DZIP1: variants seen among roughly 807,000 people sequenced by gnomAD.
DZIP1 encodes the protein DAZ interacting zinc finger protein 1.
DZIP1 carries 97 observed loss-of-function variants against 107.6 expected under a neutral mutation model. The observed-to-expected ratio is 0.90, with a 90% CI of 0.77 to 1.07. DZIP1 has a LOEUF of 1.07. Ranked by LOEUF, DZIP1 falls within the 50% of genes least tolerant of loss-of-function variation. The pLI, the probability that DZIP1 is intolerant of heterozygous loss-of-function variation, is 0.00. For synonymous variants in DZIP1, 390 were observed against 386.4 expected (o/e 1.01, Z -0.11); for missense variants, 1,035 against 1,063.6 (o/e 0.97, Z 0.37).
At chr13:95,606,457 T>C (rs2044780862) in intron 13 of DZIP1, among the ~76,000 whole-genome samples, 2 of 152,246 alleles carry the variant, frequency 1.3e-5, no homozygotes, top group South Asian at 4.1e-4. Flanking sequence ...TGCCTATTCT[T>C]GACATTTCAT....
rs577675593 is a variant in DZIP1, at chr13:95,596,139, G to C, written c.1538-2053C>G. Among the ~76,000 whole-genome samples the C allele has an allele frequency of 6.6e-5, 10 of 152,290 alleles. No homozygotes were observed. The South Asian group carries it at 1.2e-3, about 19-fold the overall frequency. On this transcript the variant is annotated intron_variant, in intron 15 of 22. Coordinates refer to ENST00000376829, the MANE Select transcript of DZIP1 (RefSeq NM_198968.4). ...CAATGGAAGCAAGAGAAAGAATGTA[G>C]AGTAAGCAGGGAAAAATAAAGTTTT...
intron 22 of DZIP1, among the ~76,000 whole-genome samples, chr13:95,584,091 C>A (rs894378976): frequency 5.9e-5 from 9 of 151,928 alleles, no homozygotes; most frequent in Non-Finnish European, 1.0e-4. Context: ...ATTCTCCTGC[C>A]TTAGCCTCCC....
chr13:95,640,611 A>G (rs1356913223), intron 5 of DZIP1, among the ~76,000 whole-genome samples: 5 of 152,220 alleles, frequency 3.3e-5, no homozygotes, highest in Admixed American at 1.3e-4. Flanking sequence ...AAAAATTGCA[A>G]TATTTATCTT....
rs3051402 is a variant in DZIP1 at position 95,621,665 on chromosome 13, A to AGTGTGTGTGTGTGTGTGT, written c.1110+660_1110+677dup. 1.4e-4 allele frequency among the ~76,000 whole-genome samples: 17 copies of AGTGTGTGTGTGTGTGTGT among 123,418 alleles called. 1 individual carries two copies. Among genetic ancestry groups the AGTGTGTGTGTGTGTGTGT allele is most frequent in the African/African-American group, 5.0e-4 (17 of 33,742 alleles). 81.0% of individuals were successfully genotyped at this position (123,418 alleles called of 152,430 possible). ...ACAGATCATCAGCTGACCAGTTAGC[A>AGTGTGTGTGTGTGTGTGT]GTGTGTGTGTGTGTGTGTGTGTGTG... is the stretch of plus-strand genomic sequence containing the variant. On this transcript the variant is annotated intron_variant, in intron 9 of 22. Coordinates refer to ENST00000376829, the MANE Select transcript of DZIP1 (RefSeq NM_198968.4).
chr13:95,633,372 A>G (rs761981712), intron 5 of DZIP1, 51 bp from the exon 6 acceptor site: 3 of 1,499,688 alleles, frequency 2.0e-6, no homozygotes, highest in Non-Finnish European at 2.8e-6. Flanking sequence ...CTGTCGTCCC[A>G]CTTAATTGCA....
intron 11 of DZIP1, 124 bp downstream of exon 11, chr13:95,611,913 A>G: frequency 3.2e-6 from 4 of 1,255,216 alleles, no homozygotes; most frequent in Non-Finnish European, 4.3e-6. Flanking sequence ...AGCAATCACA[A>G]GGGGAAAAAT....
At chr13:95,598,013 C>T (rs1159567260) in intron 15 of DZIP1, among the ~76,000 whole-genome samples, 1 of 152,094 alleles carries the variant, frequency 6.6e-6, no homozygotes, top group African/African-American at 2.4e-5. Context: ...ATTTGTTTAG[C>T]AATGGAACAA....
intron 15 of DZIP1, among the ~76,000 whole-genome samples, chr13:95,596,566 T>C (rs1185664914): frequency 6.6e-6 from 1 of 152,168 alleles, no homozygotes; most frequent in Non-Finnish European, 1.5e-5. Flanking sequence ...CTTTCTCCAT[T>C]TGCTCTCTGC....
intron 14 of DZIP1, among the ~76,000 whole-genome samples, chr13:95,604,629 A>G (rs1444040789): frequency 6.6e-6 from 1 of 152,212 alleles, no homozygotes; most frequent in African/African-American, 2.4e-5. Flanking sequence ...AATCAACCCC[A>G]GACAGCTTTA....
intron 15 of DZIP1, among the ~76,000 whole-genome samples, chr13:95,598,343 A>G (rs1031080857): frequency 6.6e-6 from 1 of 152,202 alleles, no homozygotes; most frequent in African/African-American, 2.4e-5. Flanking sequence ...GATACATGGA[A>G]GCAAAATAAA....
chr13:95,600,233 G>C (rs1439787093), intron 14 of DZIP1, among the ~76,000 whole-genome samples: 1 of 152,170 alleles, frequency 6.6e-6, no homozygotes, highest in Non-Finnish European at 1.5e-5. Flanking sequence ...TGGTGGTCAG[G>C]CATTAGATAT....
In DZIP1 at chr13:95,624,753, A is replaced by AGGTTTAATACTTACAT. The variant is rs1168819547; in HGVS notation, c.971_972+14dup. Reference sequence around the variant, plus strand: ...GGCAATCAATACCATAAGAACTTCTAGGTTTAATACTTACATATTCTAATG... The same window carrying AGGTTTAATACTTACAT: ...GGCAATCAATACCATAAGAACTTCTAGGTTTAATACTTACATGGTTTAATACTTACATATTCTAATG... On this transcript the variant is annotated intron_variant, in intron 8 of 22. Coordinates refer to ENST00000376829, the MANE Select transcript of DZIP1 (RefSeq NM_198968.4). 1.3e-6 allele frequency: 2 copies of AGGTTTAATACTTACAT among 1,581,456 alleles called. No homozygotes were observed. Among genetic ancestry groups the AGGTTTAATACTTACAT allele is most frequent in the Admixed American group, 3.6e-5 (2 of 55,280 alleles).
chr13:95,595,751 G>A (rs2044432491), intron 15 of DZIP1, among the ~76,000 whole-genome samples: 1 of 151,920 alleles, frequency 6.6e-6, no homozygotes, highest in Non-Finnish European at 1.5e-5. Context: ...GACTCTTTTG[G>A]CCAATATCTC....
At chr13:95,605,006 G>A (rs544142168) in intron 14 of DZIP1, among the ~76,000 whole-genome samples, 2 of 152,232 alleles carry the variant, frequency 1.3e-5, no homozygotes, top group East Asian at 3.9e-4. Flanking sequence ...AATATGTGGA[G>A]AATTTACACA....
At chr13:95,626,173 T>C (rs890627098) in intron 7 of DZIP1, among the ~76,000 whole-genome samples, 1 of 151,332 alleles carries the variant, frequency 6.6e-6, no homozygotes, top group African/African-American at 2.4e-5. Flanking sequence ...CTTAAATAAA[T>C]AACCTAGCTA....
chr13:95,639,307 T>C (rs1018706511), intron 5 of DZIP1, among the ~76,000 whole-genome samples: 1 of 152,156 alleles, frequency 6.6e-6, no homozygotes, highest in African/African-American at 2.4e-5. Flanking sequence ...AATCTTCTCT[T>C]AGGCCAGGTG....
chr13:95,593,894 AAAC>A (rs1482343174), intron 16 of DZIP1, 47 bp downstream of exon 16: 1 of 1,565,274 alleles, frequency 6.4e-7, no homozygotes, highest in African/African-American at 1.4e-5. Flanking sequence ...CTAATTTAGA[AAAC>A]AAAACACAGC....
intron 16 of DZIP1, 83 bp from the exon 17 acceptor site, chr13:95,590,524 A>G: frequency 7.3e-7 from 1 of 1,363,984 alleles, no homozygotes; most frequent in Non-Finnish European, 1.0e-6. Flanking sequence ...CTGTGCCAAC[A>G]TTTCAATCCA....
chr13:95,609,539 C>G (rs1555308627), intron 12 of DZIP1, 26 bp from the exon 13 acceptor site: 2 of 1,542,862 alleles, frequency 1.3e-6, no homozygotes, highest in South Asian at 2.5e-5. Flanking sequence ...AATAAATGAA[C>G]AAAAAACATC....
Sources: allele counts gnomAD v4.1 joint callset (sites outside exome capture counted in the v4.1 genomes callset), GRCh38; gene constraint gnomAD v4.1.1; transcripts MANE v1.5; gene names NCBI Gene and HGNC (gene_info 2026-07-23, HGNC 2026-07-21).